DCAF17: variants seen among roughly 807,000 people sequenced by gnomAD.
DCAF17 encodes the protein DDB1- and CUL4-associated factor 17.
DCAF17 carries 48 observed loss-of-function variants against 66.0 expected under a neutral mutation model. That is an observed-to-expected ratio of 0.73 (90% CI 0.58 to 0.92). The LOEUF is 0.92. Ranked by LOEUF, DCAF17 falls within the 40% of genes least tolerant of loss-of-function variation. The probability of loss-of-function intolerance (pLI) is 0.00; values close to 1 mark genes in which losing one functional copy is unlikely to be tolerated. For missense variants in DCAF17, 562 were observed against 622.8 expected (o/e 0.90, Z 1.04); for synonymous variants, 206 against 214.6 (o/e 0.96, Z 0.35).
intron 9 of DCAF17, among the ~76,000 whole-genome samples, chr2:171,470,069 C>G (rs1384402386): frequency 3.3e-5 from 5 of 151,496 alleles, no homozygotes; most frequent in Non-Finnish European, 7.4e-5. Flanking sequence ...TGGTGCCTAG[C>G]CTAGAGTGCA....
chr2:171,459,376 T>A (rs998754497), intron 8 of DCAF17, among the ~76,000 whole-genome samples: 6 of 152,150 alleles, frequency 3.9e-5, no homozygotes, highest in Admixed American at 2.0e-4. Context: ...AAGAAATAGA[T>A]CATGACTGTT....
Position 171,483,915 on chromosome 2 carries a change from A to G in DCAF17, c.*2801A>G. On this transcript the variant is annotated 3_prime_UTR_variant, in exon 14 of 14. Transcript: ENST00000375255. ...TGCCAAATTTCCTCCAAAGTTCTCA[A>G]AAGGCAAGGCATGTTATTTTATCCC... is the stretch of plus-strand genomic sequence containing the variant. 1 of 454,104 alleles carries G rather than the reference A, an allele frequency of 2.2e-6. No individual in the cohort carries two copies. The highest frequency in any genetic ancestry group is 1.6e-5 in the South Asian group (1 of 64,472). The allele number at this position is 454,104 out of a possible 1,614,324, so 28.1% of individuals were successfully genotyped here.
intron 8 of DCAF17, among the ~76,000 whole-genome samples, chr2:171,460,524 T>TATC (rs2105778905): frequency 7.0e-6 from 1 of 143,552 alleles, no homozygotes; most frequent in East Asian, 2.1e-4. Context: ...AAATTATTAT[T>TATC]ATTATTATTA....
At position 171,457,324 on chromosome 2, in the gene DCAF17, C is replaced by T. The variant is rs541383817; in HGVS notation, c.628-647C>T. Among the ~76,000 whole-genome samples the T allele has an allele frequency of 1.4e-3, 212 of 152,306 alleles. 2 individuals are homozygous for T. Among genetic ancestry groups the T allele is most frequent in the Middle Eastern group, 0.01 (3 of 294 alleles). On this transcript the variant is annotated intron_variant, in intron 6 of 13. Transcript: ENST00000375255. ...TTCCTGTATGTCCAAGGTAATTGGA[C>T]ATCTTCCTCTATTCCTGTATTTCCA...
At chr2:171,462,931 A>T (rs1695671469) in intron 8 of DCAF17, among the ~76,000 whole-genome samples, 1 of 152,136 alleles carries the variant, frequency 6.6e-6, no homozygotes, top group Admixed American at 6.5e-5. Context: ...CTAAATTGTT[A>T]AAAAGAAGGA....
At position 171,434,552 on chromosome 2, in the gene DCAF17, C is replaced by G. The variant is rs930305557; in HGVS notation, c.-26C>G. On this transcript the variant is annotated 5_prime_UTR_variant, in exon 1 of 14. Transcript: ENST00000375255. ...GGGGCGCGCCACTCGGCGGCCCAGC[C>G]TACCCAGGGCCCGGCCCGCGCCTCC... 1 of 1,524,714 alleles carries G rather than the reference C, an allele frequency of 6.6e-7. No individual in the cohort carries two copies. The highest frequency in any genetic ancestry group is 1.4e-5 in the African/African-American group (1 of 72,140). 94.4% of individuals were successfully genotyped at this position (1,524,714 alleles called of 1,614,324 possible).
chr2:171,474,492 T>G (rs533141352), intron 10 of DCAF17: 15 of 167,898 alleles, frequency 8.9e-5, no homozygotes, highest in African/African-American at 3.6e-4. Flanking sequence ...TTTCATGTTC[T>G]TCCTTCTCTA....
At chr2:171,440,402 C>T (rs1224129400) in intron 2 of DCAF17, among the ~76,000 whole-genome samples, 1 of 152,016 alleles carries the variant, frequency 6.6e-6, no homozygotes, top group African/African-American at 2.4e-5. Context: ...TGGCAAAACC[C>T]CATCTCTACA....
In DCAF17 at chr2:171,449,962, ACATATTTAAACATT is replaced by A. The variant is rs747625728; in HGVS notation, c.537+8_537+21del. On this transcript the variant is annotated splice_donor_region_variant and intron_variant, in intron 5 of 13. Transcript: ENST00000375255. ...GGCTCAGCAGTGGCCCGGCAGGTAT[ACATATTTAAACATT>A]CAATAAAATGAAGACTCTTTTTCAT... The A allele has an allele frequency of 3.9e-5, 63 of 1,606,580 alleles. 2 individuals carry two copies. The East Asian group carries it at 1.4e-3, about 35-fold the overall frequency.
At chr2:171,454,858 C>T (rs757915049) in intron 6 of DCAF17, among the ~76,000 whole-genome samples, 2 of 150,764 alleles carry the variant, frequency 1.3e-5, no homozygotes, top group African/African-American at 2.4e-5. Context: ...GATTGTGCCA[C>T]GGCAACAGAG....
intron 3 of DCAF17, among the ~76,000 whole-genome samples, chr2:171,446,198 C>T (rs896690894): frequency 6.6e-6 from 1 of 152,028 alleles, no homozygotes; most frequent in Non-Finnish European, 1.5e-5. Context: ...AATCCTTTAC[C>T]TAACAAAGGA....
intron 3 of DCAF17, among the ~76,000 whole-genome samples, chr2:171,444,852 T>G (rs1694524853): frequency 6.6e-6 from 1 of 152,174 alleles, no homozygotes; most frequent in African/African-American, 2.4e-5. Flanking sequence ...TACATAAAGT[T>G]TTAGTTTTCT....
At chr2:171,436,505 A>T (rs1693966230) in intron 2 of DCAF17, among the ~76,000 whole-genome samples, 1 of 152,160 alleles carries the variant, frequency 6.6e-6, no homozygotes, top group Non-Finnish European at 1.5e-5. Context: ...GACTCACAGC[A>T]TCTCACTGTG....
At chr2:171,437,157 T>C (rs561581338) in intron 2 of DCAF17, among the ~76,000 whole-genome samples, 1 of 152,324 alleles carries the variant, frequency 6.6e-6, no homozygotes, top group South Asian at 2.1e-4. Context: ...TAAGAATCCA[T>C]TGCAAAATTT....
chr2:171,443,597 T>A lies in DCAF17; in HGVS notation c.305T>A (p.Leu102Ter). Residue 102 changes from leucine to a stop codon, truncating the protein, a stop_gained, in exon 3 of 14, where the codon TTA becomes TAA. Transcript: ENST00000375255. LOFTEE classifies it high-confidence loss of function. ...TCAGAAAAAATAGAGGATGCTTTAT[T>A]ATGGGAATGCCCAGTGGTAAGATTT... ...SKSEKIEDALLWECPVGDILP... is the reference protein window; with the variant it reads ...SKSEKIEDAL 8.7e-6 allele frequency: 14 copies of A among 1,613,030 alleles called. No individual in the cohort carries two copies. Among genetic ancestry groups the A allele is most frequent in the Non-Finnish European group, 1.2e-5 (14 of 1,179,356 alleles).
chr2:171,471,450 T>C (rs1245460231), intron 9 of DCAF17, among the ~76,000 whole-genome samples: 17 of 152,192 alleles, frequency 1.1e-4, no homozygotes, highest in Admixed American at 6.5e-4. Flanking sequence ...TAATTAGATA[T>C]TACAGTAAAG....
intron 12 of DCAF17, among the ~76,000 whole-genome samples, chr2:171,479,176 G>A (rs572821788): frequency 2.0e-5 from 3 of 152,302 alleles, no homozygotes; most frequent in Admixed American, 6.5e-5. Flanking sequence ...ATGTCTTAGG[G>A]TGGTAAAGGC....
At chr2:171,457,816 G>C (rs1439258850) in intron 6 of DCAF17, among the ~76,000 whole-genome samples, 155 bp from the exon 7 acceptor site, 2 of 152,192 alleles carry the variant, frequency 1.3e-5, no homozygotes, top group East Asian at 3.8e-4. Context: ...TAACACCCTA[G>C]CCTCAAGGTG....
rs747014569 is a variant in DCAF17, at chr2:171,482,861, C to A, written c.*1747C>A. 96 of 453,922 alleles carry A rather than the reference C, an allele frequency of 2.1e-4. No homozygotes were observed. The highest frequency in any genetic ancestry group is 3.7e-4 in the Non-Finnish European group (83 of 226,786). 28.1% of individuals were successfully genotyped at this position (453,922 alleles called of 1,614,324 possible). A position where few individuals can be genotyped will look rare whatever the true frequency, so the allele number is the denominator to read the frequency against. On this transcript the variant is annotated 3_prime_UTR_variant, in exon 14 of 14. Coordinates refer to ENST00000375255, the MANE Select transcript of DCAF17 (RefSeq NM_025000.4). ...ATATAACTTACCACTAAGAAACCCC[C>A]AGTATGTCACCACTGCCTAAATCTA...
Sources: gnomAD v4.1 joint callset for allele counts (sites outside exome capture counted in the v4.1 genomes callset) on GRCh38, gnomAD v4.1.1 for gene constraint, MANE v1.5 for transcripts, NCBI Gene and HGNC (gene_info 2026-07-23, HGNC 2026-07-21) for gene names.